The following PPP2R2B variants were observed in gnomAD, a reference collection of about 807,000 sequenced individuals.
PPP2R2B encodes serine/threonine-protein phosphatase 2A 55 kDa regulatory subunit B beta isoform.
In PPP2R2B, 5 loss-of-function variants were observed where a neutral mutation model predicts 46.0. That is an observed-to-expected ratio of 0.11 (90% confidence interval 0.06 to 0.23). PPP2R2B has a LOEUF of 0.23. Among genes scored for constraint, PPP2R2B ranks in the 10% least tolerant of loss-of-function variants. The pLI is 1.00. For synonymous variants in PPP2R2B, 215 were observed against 206.7 expected, an observed-to-expected ratio of 1.04 and a Z score of -0.34; for missense variants, 367 against 575.0, an observed-to-expected ratio of 0.64 and a Z score of 3.70.
chr5:146,889,925 C>T (rs1363529833), intron 1 of PPP2R2B, among the ~76,000 whole-genome samples: 1 of 152,146 alleles, frequency 6.6e-6, no homozygotes, highest in Non-Finnish European at 1.5e-5. Flanking sequence ...CGTCATTTTG[C>T]TGATGATGAA....
At chr5:146,962,619 T>C (rs889575861) in intron 1 of PPP2R2B, among the ~76,000 whole-genome samples, 2 of 151,880 alleles carry the variant, frequency 1.3e-5, no homozygotes, top group African/African-American at 4.8e-5. Context: ...ATCACGCCAT[T>C]GCACTCCAGA....
intron 1 of PPP2R2B, among the ~76,000 whole-genome samples, chr5:146,913,569 T>A (rs1763268721): frequency 6.6e-6 from 1 of 151,282 alleles, no homozygotes; most frequent in Non-Finnish European, 1.5e-5. Context: ...TTTTCAAACA[T>A]CACATTAAAA....
intron 2 of PPP2R2B, among the ~76,000 whole-genome samples, chr5:146,796,035 C>T (rs1333359382): frequency 6.6e-6 from 1 of 152,090 alleles, no homozygotes; most frequent in African/African-American, 2.4e-5. Flanking sequence ...TAGTTACTGC[C>T]TAATAAGCAT....
At chr5:146,912,667 G>T (rs1763233129) in intron 1 of PPP2R2B, among the ~76,000 whole-genome samples, 1 of 151,848 alleles carries the variant, frequency 6.6e-6, no homozygotes, top group African/African-American at 2.4e-5. Context: ...ACCATGCCTG[G>T]CTAATTTTTT....
intron 5 of PPP2R2B, among the ~76,000 whole-genome samples, chr5:146,667,747 C>T (rs749797418): frequency 6.6e-6 from 1 of 152,118 alleles, no homozygotes; most frequent in Non-Finnish European, 1.5e-5. Context: ...GCCACCTGGT[C>T]TCTTAAACGC....
chr5:147,047,594 A>T (rs1273334551), intron 1 of PPP2R2B, among the ~76,000 whole-genome samples: 1 of 152,070 alleles, frequency 6.6e-6, no homozygotes, highest in Admixed American at 6.6e-5. Context: ...GAATGATCAC[A>T]TTTACTCACC....
intron 2 of PPP2R2B, among the ~76,000 whole-genome samples, chr5:146,806,480 G>GA (rs1227123227): frequency 2.0e-5 from 3 of 151,580 alleles, no homozygotes; most frequent in African/African-American, 4.8e-5. Context: ...ATAAAAAAAA[G>GA]AAAAAAAAGA....
chr5:146,651,467 C>T (rs971591285), intron 5 of PPP2R2B, among the ~76,000 whole-genome samples: 1 of 152,144 alleles, frequency 6.6e-6, no homozygotes, highest in Non-Finnish European at 1.5e-5. Flanking sequence ...TAAATGATTT[C>T]TTTCTGGTGG....
At chr5:146,773,579 G>T (rs1755000483) in intron 2 of PPP2R2B, among the ~76,000 whole-genome samples, 1 of 152,194 alleles carries the variant, frequency 6.6e-6, no homozygotes, top group African/African-American at 2.4e-5. Context: ...AACATTGTCT[G>T]ACAGATTATA....
intron 1 of PPP2R2B, chr5:147,081,210 G>T (rs532897084): frequency 2.3e-5 from 36 of 1,535,444 alleles, no homozygotes; most frequent in Non-Finnish European, 3.0e-5. Context: ...AACAAGAAAA[G>T]AAATATATAG....
At chr5:146,608,794 C>T (rs1772555217) in intron 7 of PPP2R2B, among the ~76,000 whole-genome samples, 1 of 151,990 alleles carries the variant, frequency 6.6e-6, no homozygotes, top group Non-Finnish European at 1.5e-5. Flanking sequence ...CAAAAACAAA[C>T]AAGACATGTA....
chr5:146,708,947 C>T (rs762606264), intron 2 of PPP2R2B, among the ~76,000 whole-genome samples: 28 of 152,186 alleles, frequency 1.8e-4, no homozygotes, highest in Non-Finnish European at 3.2e-4. Context: ...CTTGACACTG[C>T]TTCTCACACT....
At chr5:146,968,559 C>G (rs571388614) in intron 1 of PPP2R2B, among the ~76,000 whole-genome samples, 47 of 152,280 alleles carry the variant, frequency 3.1e-4, no homozygotes, top group Middle Eastern at 3.4e-3. Context: ...CTGTTAATGA[C>G]CTGAGCTACT....
At chr5:146,673,175 A>G (rs1777484023) in intron 5 of PPP2R2B, among the ~76,000 whole-genome samples, 1 of 152,234 alleles carries the variant, frequency 6.6e-6, no homozygotes. Flanking sequence ...TCAAACAGAA[A>G]TATAGAGCAA....
At chr5:147,013,815 A>G (rs1754857631) in intron 1 of PPP2R2B, among the ~76,000 whole-genome samples, 1 of 120,762 alleles carries the variant, frequency 8.3e-6, no homozygotes, top group Admixed American at 8.6e-5. Context: ...CATTCAGGAC[A>G]TAGGCATGGG....
In PPP2R2B at chr5:146,888,394, T is replaced by C. The variant is rs570551523; in HGVS notation, c.79+167271A>G. ...TCCTGCCTGCTCTAACTTTGAAATA[T>C]GTCCAGAATCAACCACTACTCACCA... On this transcript the variant is annotated intron_variant, in intron 1 of 8. Transcript: ENST00000336640. 2.6e-5 allele frequency among the ~76,000 whole-genome samples: 4 copies of C among 152,192 alleles called. No individual in the cohort carries two copies. In the South Asian group the frequency reaches 8.3e-4, roughly 32 times the overall value.
rs563992017 is a variant in PPP2R2B, at chr5:146,862,681, A to G, written c.70+15321T>C. On this transcript the variant is annotated intron_variant, in intron 2 of 9. Transcript: ENST00000394411. Reference sequence around the variant, plus strand: ...TAGGAGAGACTTAAAAGATGAGAGGACAGGCAGGAAACATGAAGGTTTATA... The same window carrying G: ...TAGGAGAGACTTAAAAGATGAGAGGGCAGGCAGGAAACATGAAGGTTTATA... Among the ~76,000 whole-genome samples, 560 of 152,256 alleles carry G rather than the reference A, an allele frequency of 3.7e-3. 7 individuals are homozygous for G. Among genetic ancestry groups the G allele is most frequent in the African/African-American group, 0.013 (538 of 41,530 alleles).
At chr5:146,963,809 T>A (rs1752285936) in intron 1 of PPP2R2B, among the ~76,000 whole-genome samples, 1 of 152,222 alleles carries the variant, frequency 6.6e-6, no homozygotes, top group South Asian at 2.1e-4. Context: ...CTTTGTTTAA[T>A]GACATTAACT....
At position 146,839,540 on chromosome 5, in the gene PPP2R2B, T is replaced by C. The variant is rs115941157; in HGVS notation, c.70+38462A>G. Among the ~76,000 whole-genome samples, 1,168 of 152,282 alleles carry C rather than the reference T, an allele frequency of 7.7e-3. 17 individuals are homozygous for C. The highest frequency in any genetic ancestry group is 0.027 in the African/African-American group (1,109 of 41,554). On this transcript the variant is annotated intron_variant, in intron 2 of 9. Coordinates refer to ENST00000394411, the MANE Select transcript of PPP2R2B (RefSeq NM_181675.4). ...TCTCAAAAATATAGTAAAATGTATA[T>C]GCAATTTCCAAAAAATTAAAAATCA...
Sources: gnomAD v4.1 joint callset for allele counts (sites outside exome capture counted in the v4.1 genomes callset) on GRCh38, gnomAD v4.1.1 for gene constraint, MANE v1.5 for transcripts, NCBI Gene and HGNC (gene_info 2026-07-23, HGNC 2026-07-21) for gene names.